FAM117A: variants seen among roughly 807,000 people sequenced by gnomAD.
FAM117A encodes the protein protein FAM117A.
A neutral mutation model predicts 44.1 loss-of-function variants in FAM117A; 21 were observed. The ratio of observed to expected loss-of-function variants is 0.48; its 90% CI spans 0.34 to 0.69. The LOEUF (loss-of-function observed/expected upper bound fraction) is 0.69, where lower values mean the gene tolerates loss of function less well. Among genes scored for constraint, FAM117A ranks in the 30% least tolerant of loss-of-function variants. The pLI, the probability that FAM117A is intolerant of heterozygous loss-of-function variation, is 0.01. For missense variants in FAM117A, 498 were observed against 589.9 expected (o/e 0.84, Z 1.61); for synonymous variants, 220 against 238.3 (o/e 0.92, Z 0.71).
rs143324421 is a variant in FAM117A, at chr17:49,722,537, G to A, written c.424C>T (p.Arg142Cys). Residue 142 changes from arginine to cysteine, a missense_variant, in exon 3 of 8, where the codon CGC (arginine) becomes TGC (cysteine). Physicochemically the swap from Arg to Cys is radical, Grantham distance 180. Coordinates refer to ENST00000240364, the MANE Select transcript of FAM117A (RefSeq NM_030802.4). ...TCTGTGCTGCCCCAGGATGCTGAGC[G>A]CTTGTGTGCACAGGAACTGGCACGC... ...GERASSCAHKRSASWGSTDHR... is the reference protein window; with the variant it reads ...GERASSCAHKCSASWGSTDHR... 134 of 1,613,874 alleles carry A rather than the reference G, an allele frequency of 8.3e-5. No homozygotes were observed. The highest frequency in any genetic ancestry group is 1.1e-4 in the Non-Finnish European group (124 of 1,179,966).
intron 1 of FAM117A, among the ~76,000 whole-genome samples, chr17:49,783,003 C>G (rs1214152109): frequency 6.6e-6 from 1 of 152,130 alleles, no homozygotes; most frequent in Non-Finnish European, 1.5e-5. Flanking sequence ...CCATGGTGAC[C>G]GGGTACTTTC....
intron 2 of FAM117A, among the ~76,000 whole-genome samples, chr17:49,727,343 G>A (rs1016352270): frequency 2.6e-5 from 4 of 152,234 alleles, no homozygotes; most frequent in African/African-American, 9.6e-5. Flanking sequence ...GGGAGGCGGA[G>A]GTTGCAGCGA....
chr17:49,759,519 G>T (rs760790114), intron 1 of FAM117A, among the ~76,000 whole-genome samples: 11 of 152,188 alleles, frequency 7.2e-5, no homozygotes, highest in Non-Finnish European at 1.5e-4. Flanking sequence ...CTCTTAAAGG[G>T]TTTTAACTGC....
At chr17:49,711,628 A>G in intron 7 of FAM117A, 73 bp from the exon 8 acceptor site, 1 of 1,415,978 alleles carries the variant, frequency 7.1e-7, no homozygotes, top group Non-Finnish European at 9.9e-7. Context: ...AGAGGGTGAG[A>G]TGTCACAGCA....
intron 1 of FAM117A, among the ~76,000 whole-genome samples, chr17:49,740,399 A>G (rs543112806): frequency 4.5e-4 from 68 of 152,016 alleles, no homozygotes; most frequent in African/African-American, 5.8e-4. Context: ...ACAGGCGCCC[A>G]CCACCGCGCC....
rs567090546 is a variant in FAM117A at position 49,717,863 on chromosome 17, C to T, written c.709-149G>A. 51 of 626,484 alleles carry T rather than the reference C, an allele frequency of 8.1e-5. No homozygotes were observed. The East Asian group carries it at 1.4e-3, about 17-fold the overall frequency. 38.8% of individuals were successfully genotyped at this position (626,484 alleles called of 1,614,324 possible). On this transcript the variant is annotated intron_variant, in intron 5 of 7. Transcript: ENST00000240364. ...ACCATTTCCTCCAGCGATTTATTTCCCTGGCCACCCTTCAATCTAGAAGAA... is the reference window on the plus strand; with the variant it reads ...ACCATTTCCTCCAGCGATTTATTTCTCTGGCCACCCTTCAATCTAGAAGAA...
At chr17:49,731,689 T>C (rs140147491) in intron 2 of FAM117A, among the ~76,000 whole-genome samples, 126 of 152,384 alleles carry the variant, frequency 8.3e-4, no homozygotes, top group African/African-American at 3.0e-3. Context: ...GTGGGATCTA[T>C]TCTGGCTCAG....
At chr17:49,751,048 G>C (rs1307690599) in intron 1 of FAM117A, among the ~76,000 whole-genome samples, 1 of 152,084 alleles carries the variant, frequency 6.6e-6, no homozygotes, top group Non-Finnish European at 1.5e-5. Context: ...GGGGGGCCGA[G>C]GCAGGCGGAT....
chr17:49,736,074 CTGTGTGTGTGTA>C (rs147868189), intron 1 of FAM117A, among the ~76,000 whole-genome samples: 1,760 of 152,116 alleles, frequency 0.012, 40 homozygotes, highest in African/African-American at 0.04. Context: ...CTTACCTCTT[CTGTGTGTGTGTA>C]TGTGTGTGTG....
chr17:49,716,055 C>T (rs1030875741), intron 7 of FAM117A, 110 bp downstream of exon 7: 17 of 1,205,580 alleles, frequency 1.4e-5, no homozygotes, highest in Admixed American at 2.2e-5. Context: ...CAATACTTAT[C>T]ATCTAAAGTT....
chr17:49,730,400 C>T (rs2073579811), intron 2 of FAM117A, among the ~76,000 whole-genome samples: 1 of 152,236 alleles, frequency 6.6e-6, no homozygotes, highest in Non-Finnish European at 1.5e-5. Context: ...GCCTAGGGCC[C>T]ATGCCTCTAA....
chr17:49,765,990 T>C (rs2073744622), upstream of FAM117A, among the ~76,000 whole-genome samples: 1 of 152,234 alleles, frequency 6.6e-6, no homozygotes, highest in African/African-American at 2.4e-5. Context: ...TGAACCACCC[T>C]GCCTCACATC....
intron 2 of FAM117A, among the ~76,000 whole-genome samples, chr17:49,723,419 C>T (rs528217194): frequency 6.6e-6 from 1 of 152,172 alleles, no homozygotes; most frequent in African/African-American, 2.4e-5. Context: ...TGAGCCCCGA[C>T]CCAAGGGAGG....
At chr17:49,747,420 C>T (rs2073658329) in intron 1 of FAM117A, among the ~76,000 whole-genome samples, 1 of 152,198 alleles carries the variant, frequency 6.6e-6, no homozygotes, top group African/African-American at 2.4e-5. Flanking sequence ...GCTCCTAACC[C>T]TGACTGATTC....
At position 49,720,311 on chromosome 17, in the gene FAM117A, G is replaced by C. The variant is rs1335218308; in HGVS notation, c.573+15C>G. 1 of 1,598,904 alleles carries C rather than the reference G, an allele frequency of 6.3e-7. No individual in the cohort carries two copies. The highest frequency in any genetic ancestry group is 1.1e-5 in the South Asian group (1 of 90,720). ...GAGGAGAACAGAGGGGAGAGGGCTG[G>C]GGGAGAAAACATACCCTCAGTGCTC... On this transcript the variant is annotated intron_variant, in intron 4 of 7. Transcript: ENST00000240364.
chr17:49,724,694 G>T (rs1339663268), intron 2 of FAM117A, among the ~76,000 whole-genome samples: 1 of 151,622 alleles, frequency 6.6e-6, no homozygotes. Context: ...TTAACTGGGC[G>T]CCTGTAATCC....
intron 2 of FAM117A, among the ~76,000 whole-genome samples, chr17:49,725,294 C>T (rs976025825): frequency 1.3e-5 from 2 of 152,202 alleles, no homozygotes; most frequent in Admixed American, 6.5e-5. Flanking sequence ...GTACAGCATT[C>T]GTGCAATCAA....
chr17:49,758,611 G>T (rs1410686419), intron 1 of FAM117A, among the ~76,000 whole-genome samples: 1 of 137,862 alleles, frequency 7.3e-6, no homozygotes, highest in African/African-American at 2.7e-5. Context: ...GTGACAAAGC[G>T]AGACTGTCTC....
At chr17:49,732,065 C>T (rs2073587741) in intron 2 of FAM117A, among the ~76,000 whole-genome samples, 1 of 152,168 alleles carries the variant, frequency 6.6e-6, no homozygotes, top group Non-Finnish European at 1.5e-5. Flanking sequence ...AGATTATAGG[C>T]GTGAGCCACT....
Sources: gnomAD v4.1 joint callset for allele counts (sites outside exome capture counted in the v4.1 genomes callset) on GRCh38, gnomAD v4.1.1 for gene constraint, MANE v1.5 for transcripts, NCBI Gene and HGNC (gene_info 2026-07-23, HGNC 2026-07-21) for gene names.